Variants in SLC29A1 observed in about 807,000 individuals in gnomAD.
SLC29A1 encodes the protein solute carrier family 29 member 1 (Augustine blood group), also known as equilibrative nucleoside transporter 1.
A neutral mutation model predicts 48.3 loss-of-function variants in SLC29A1; 22 were observed. The ratio of observed to expected loss-of-function variants is 0.46; its 90% confidence interval spans 0.33 to 0.65. The LOEUF (loss-of-function observed/expected upper bound fraction) is 0.65. Ranked by LOEUF, SLC29A1 falls within the 30% of genes least tolerant of loss-of-function variation. The probability of loss-of-function intolerance (pLI) is 0.03; values close to 1 mark genes in which losing one functional copy is unlikely to be tolerated. For synonymous variants in SLC29A1, 228 were observed against 231.0 expected, an observed-to-expected ratio of 0.99 and a Z score of 0.12; for missense variants, 491 against 575.3, an observed-to-expected ratio of 0.85 and a Z score of 1.50.
chr6:44,229,447 G>T lies in SLC29A1; in HGVS notation c.87G>T (p.Trp29Cys). 6.2e-7 allele frequency: 1 copy of T among 1,614,172 alleles called. No homozygotes were observed. The highest frequency in any genetic ancestry group is 1.7e-5 in the Admixed American group (1 of 60,022). ...TGGGTCTGGGAACGCTGCTCCCGTG[G>T]AATTTTTTCATGACGGCCACTCAGG... ...FMLGLGTLLP[W>C]NFFMTATQYF... is the part of the protein sequence containing the mutation. Residue 29 changes from tryptophan (W) to cysteine (C), a missense_variant, in exon 3 of 13, where the codon TGG becomes TGT. By Grantham distance (215) the Trp-to-Cys change is radical. Transcript: ENST00000371755. The surrounding 1 kb of genome is among the most constrained non-coding windows in gnomAD (Gnocchi z 5.1).
At chr6:44,227,228 A>T (rs753231048) in intron 1 of SLC29A1, 35 bp from the exon 2 acceptor site, 1 of 1,593,674 alleles carries the variant, frequency 6.3e-7, no homozygotes, top group Non-Finnish European at 8.6e-7. Flanking sequence ...TGGCAGGGCC[A>T]AGACAGGGCC....
chr6:44,231,519 G>A, intron 9 of SLC29A1, 58 bp downstream of exon 9: 1 of 1,134,188 alleles, frequency 8.8e-7, no homozygotes, highest in Non-Finnish European at 1.3e-6. Context: ...TCCTCCTTTT[G>A]CTCCCTCCCC....
chr6:44,226,785 T>C (rs774875005), intron 1 of SLC29A1: 7 of 1,008,572 alleles, frequency 6.9e-6, no homozygotes, highest in Non-Finnish European at 8.3e-6. Context: ...GCTGCAGATC[T>C]GCCTGTTCCG....
chr6:44,227,394 C>A (rs770620702), intron 2 of SLC29A1, 52 bp downstream of exon 2: 2 of 1,506,414 alleles, frequency 1.3e-6, no homozygotes, highest in Admixed American at 3.4e-5. Flanking sequence ...TTTCAGGGAG[C>A]TGGGTGTGGT....
Position 44,233,451 on chromosome 6 carries a change from G to A in SLC29A1, c.1294G>A (p.Ala432Thr), listed in dbSNP as rs776878723. 1.2e-6 allele frequency: 2 copies of A among 1,614,012 alleles called. No homozygotes were observed. Among genetic ancestry groups the A allele is most frequent in the African/African-American group, 2.7e-5 (2 of 74,912 alleles). Residue 432 changes from alanine (A) to threonine (T), a missense_variant, in exon 13 of 13, where the codon GCC (alanine) becomes ACC (threonine). Physicochemically the swap from Ala to Thr is moderately conservative, Grantham distance 58. Transcript: ENST00000371755. ...GCCAGCTGAGGCAGAGACCGCAGGA[G>A]CCATCATGGCCTTCTTCCTGTGTCT... ...VKPAEAETAGAIMAFFLCLGL... is the reference protein window; with the variant it reads ...VKPAEAETAGTIMAFFLCLGL...
upstream of SLC29A1, chr6:44,221,582 A>G (rs1186165498): frequency 8.2e-7 from 1 of 1,224,306 alleles, no homozygotes. The surrounding 1 kb of genome is among the most constrained non-coding windows in gnomAD (Gnocchi z 4.2). Context: ...CACCCCTTCG[A>G]CAGGGACCTG....
At chr6:44,231,727 C>A (rs2153303876) in intron 9 of SLC29A1, among the ~76,000 whole-genome samples, 1 of 152,298 alleles carries the variant, frequency 6.6e-6, no homozygotes, top group Middle Eastern at 3.4e-3. Context: ...CTCCTGGGTT[C>A]AAGTGATTCT....
At position 44,231,428 on chromosome 6, in the gene SLC29A1, T is replaced by C. The variant is rs774213960; in HGVS notation, c.831T>C (p.Asn277=). The C allele has an allele frequency of 1.9e-6, 3 of 1,607,388 alleles. No individual in the cohort carries two copies. The highest frequency in any genetic ancestry group is 1.7e-5 in the Admixed American group (1 of 59,486). The change falls in exon 9 of 13, where the codon AAT becomes AAC. Residue 277 remains asparagine (N), a synonymous_variant. Transcript: ENST00000371755. ...CAGTCTCCAACTCTCAGCCCACCAA[T>C]GAAAGCCACTCTATCAAAGCCATCC... ...GVSVSNSQPT[N]ESHSIKAILK...
chr6:44,224,623 T>C (rs148169557), intron 1 of SLC29A1, among the ~76,000 whole-genome samples: 9 of 152,186 alleles, frequency 5.9e-5, no homozygotes, highest in Middle Eastern at 6.8e-3. Context: ...GCTGGCCCCA[T>C]CTATTCAGTG....
At chr6:44,227,421 G>A in intron 2 of SLC29A1, 79 bp downstream of exon 2, 2 of 1,300,550 alleles carry the variant, frequency 1.5e-6, no homozygotes, top group East Asian at 2.4e-5. Flanking sequence ...TGGAATTGGG[G>A]GTTGCCATTG....
upstream of SLC29A1, among the ~76,000 whole-genome samples, chr6:44,223,099 G>C (rs1279362777): frequency 6.6e-6 from 1 of 152,078 alleles, no homozygotes; most frequent in East Asian, 1.9e-4. The surrounding 1 kb of genome is among the most constrained non-coding windows in gnomAD (Gnocchi z 5.0). Flanking sequence ...GAAGAGGAGG[G>C]GGACTGAAAG....
chr6:44,230,258 G>A (rs1778531548), intron 5 of SLC29A1, 89 bp from the exon 6 acceptor site: 4 of 1,558,398 alleles, frequency 2.6e-6, no homozygotes, highest in Admixed American at 3.5e-5. Flanking sequence ...CTCACCAAGA[G>A]TAAAGTAGGA....
intron 1 of SLC29A1, among the ~76,000 whole-genome samples, chr6:44,225,259 A>T (rs1046457157): frequency 1.3e-5 from 2 of 152,118 alleles, no homozygotes; most frequent in Non-Finnish European, 2.9e-5. Context: ...TAATCCCAGC[A>T]CTTTGGGAAG....
At position 44,227,275 on chromosome 6, in the gene SLC29A1, G is replaced by C. The variant is rs375683637; in HGVS notation, c.-39G>C. 2.4e-4 allele frequency: 393 copies of C among 1,613,764 alleles called. No homozygotes were observed. Among genetic ancestry groups the C allele is most frequent in the Non-Finnish European group, 3.1e-4 (368 of 1,179,896 alleles). ...CTGCCCCCAGCAGGCCCCTGAGGGA[G>C]GGAGCTGTCAGCCAGGGAAAACCGA... On this transcript the variant is annotated 5_prime_UTR_variant, in exon 2 of 13. Coordinates refer to ENST00000371755, the MANE Select transcript of SLC29A1 (RefSeq NM_001372327.1).
upstream of SLC29A1, chr6:44,219,749 C>A: frequency 7.8e-7 from 1 of 1,288,970 alleles, no homozygotes; most frequent in Non-Finnish European, 1.0e-6. Context: ...CCGTCCCCCA[C>A]CAAGTCCGGA....
chr6:44,223,895 C>G lies in SLC29A1; in HGVS notation c.-52+254C>G, dbSNP rs1346020256. On this transcript the variant is annotated intron_variant, in intron 1 of 12. Coordinates refer to ENST00000371755, the MANE Select transcript of SLC29A1 (RefSeq NM_001372327.1). The surrounding 1 kb of genome is among the most constrained non-coding windows in gnomAD (Gnocchi z 5.0). ...GCCTGGCTCCCGGGCCTAAAACAGG[C>G]TGCGGTCACGTTGACCTCCGCAAGG... The G allele has an allele frequency of 1.0e-5, 10 of 995,492 alleles. No individual in the cohort carries two copies. The highest frequency in any genetic ancestry group is 1.0e-3 in the Middle Eastern group (2 of 1,940). The allele number at this position is 995,492 out of a possible 1,614,324, so 61.7% of individuals were successfully genotyped here. A position where few individuals can be genotyped will look rare whatever the true frequency, so the allele number is the denominator to read the frequency against.
In SLC29A1 at chr6:44,229,309, G is replaced by A. The variant is rs552148661; in HGVS notation, c.30-81G>A. 3.0e-5 allele frequency: 33 copies of A among 1,106,040 alleles called. No homozygotes were observed. Among genetic ancestry groups the A allele is most frequent in the East Asian group, 7.0e-5 (3 of 42,602 alleles). 68.5% of individuals were successfully genotyped at this position (1,106,040 alleles called of 1,614,324 possible). On this transcript the variant is annotated intron_variant, in intron 2 of 12. Transcript: ENST00000371755. This position sits in a 1 kb window ranked among gnomAD's most constrained non-coding sequence, Gnocchi z 5.1. ...CCTGGGACCTAGAGAGACTGACAAC[G>A]GACAGGGGCTTTCCTGGGGCTCATT... is the stretch of plus-strand genomic sequence containing the variant.
chr6:44,221,379 A>G (rs1776400472), upstream of SLC29A1, among the ~76,000 whole-genome samples: 3 of 152,260 alleles, frequency 2.0e-5, no homozygotes, highest in South Asian at 6.2e-4. This position sits in a 1 kb window ranked among gnomAD's most constrained non-coding sequence, Gnocchi z 4.2. Context: ...ACACACTTCC[A>G]GCAAACACAC....
intron 9 of SLC29A1, 105 bp from the exon 10 acceptor site, chr6:44,231,893 A>C (rs375816497): frequency 2.5e-6 from 2 of 796,660 alleles, no homozygotes. Context: ...CAAAGTGCTG[A>C]GATTACAGGC....
Sources: gnomAD v4.1 joint callset for allele counts (sites outside exome capture counted in the v4.1 genomes callset) on GRCh38, gnomAD v4.1.1 for gene constraint, Gnocchi (gnomAD v3.1) non-coding constraint, MANE v1.5 for transcripts, NCBI Gene and HGNC (gene_info 2026-07-23, HGNC 2026-07-21) for gene names.